ATP10D: variants seen among roughly 807,000 people sequenced by gnomAD.
ATP10D encodes ATPase phospholipid transporting 10D (putative), also known as phospholipid-transporting ATPase VD.
In ATP10D, 89 loss-of-function variants were observed where a neutral mutation model predicts 144.8. The ratio of observed to expected loss-of-function variants is 0.61; its 90% CI spans 0.52 to 0.73. The LOEUF is 0.73. ATP10D is among the 30% of genes least tolerant of loss of function. ATP10D has a pLI of 0.00. For missense variants in ATP10D, 1,603 were observed against 1,714.8 expected, an observed-to-expected ratio of 0.93 and a Z score of 1.15; for synonymous variants, 571 against 615.1, an observed-to-expected ratio of 0.93 and a Z score of 1.06.
At chr4:47,580,627 A>G (rs1577706939) in intron 20 of ATP10D, 149 bp downstream of exon 20, 1 of 718,062 alleles carries the variant, frequency 1.4e-6, no homozygotes, top group Admixed American at 2.3e-5. Context: ...CCCCAAAAAT[A>G]TATGTTAGGT....
At chr4:47,589,940 G>C (rs1720953441) in intron 22 of ATP10D, among the ~76,000 whole-genome samples, 1 of 152,050 alleles carries the variant, frequency 6.6e-6, no homozygotes, top group South Asian at 2.1e-4. Context: ...GTTACTGTTG[G>C]TGAGGTTTCA....
intron 9 of ATP10D, among the ~76,000 whole-genome samples, chr4:47,539,047 G>A (rs1010592218): frequency 1.3e-5 from 2 of 152,226 alleles, no homozygotes; most frequent in Middle Eastern, 3.4e-3. Context: ...CATCTACCAC[G>A]GGGGACAGGA....
chr4:47,502,432 T>A (rs1228820722), intron 1 of ATP10D, among the ~76,000 whole-genome samples: 1 of 151,198 alleles, frequency 6.6e-6, no homozygotes, highest in Non-Finnish European at 1.5e-5. Context: ...ATAGCGCCAC[T>A]GCACTCCAGC....
Position 47,591,380 on chromosome 4 carries a change from A to T in ATP10D, c.4280A>T (p.Ter1427LeuextTer45). 1.3e-6 allele frequency: 2 copies of T among 1,584,580 alleles called. No homozygotes were observed. Among genetic ancestry groups the T allele is most frequent in the East Asian group, 4.5e-5 (2 of 44,548 alleles). ...GGACCCTCCAAAGGTAAAGAAAGCTAGATACCCTCCTTGGAGTTGCAAGTA... is the reference window on the plus strand; with the variant it reads ...GGACCCTCCAAAGGTAAAGAAAGCTTGATACCCTCCTTGGAGTTGCAAGTA... ...MAGPSKGKES[*>L] Residue 1427 changes from the stop codon to leucine, a stop_lost, in exon 23 of 23, where the codon TAG (stop) becomes TTG (leucine). Coordinates refer to ENST00000273859, the MANE Select transcript of ATP10D (RefSeq NM_020453.4).
At chr4:47,535,873 T>G (rs1333111712) in intron 6 of ATP10D, 29 bp from the exon 7 acceptor site, 1 of 1,591,304 alleles carries the variant, frequency 6.3e-7, no homozygotes, top group African/African-American at 1.4e-5. Context: ...AATTTGTACA[T>G]TTTCTATCAT....
At chr4:47,528,083 A>G (rs1370941148) in intron 5 of ATP10D, among the ~76,000 whole-genome samples, 3 of 152,150 alleles carry the variant, frequency 2.0e-5, no homozygotes, top group African/African-American at 7.2e-5. Flanking sequence ...GTAGAATATA[A>G]TAGTAGCATC....
At chr4:47,538,592 C>T (rs1439687156) in intron 9 of ATP10D, among the ~76,000 whole-genome samples, 1 of 152,144 alleles carries the variant, frequency 6.6e-6, no homozygotes, top group African/African-American at 2.4e-5. Flanking sequence ...GGATAAGTGC[C>T]TCCTCTGCTC....
rs757625655 is a variant in ATP10D at position 47,568,970 on chromosome 4, G to T, written c.2987G>T (p.Gly996Val). The change falls in exon 16 of 23, where the codon GGA becomes GTA. Residue 996 changes from glycine to valine, a missense_variant. Coordinates refer to ENST00000273859, the MANE Select transcript of ATP10D (RefSeq NM_020453.4). The part of the protein sequence containing the change: ...PVPRDSGLRA[G>V]LIITGKTLEF... ...CCCCGGGACTCAGGGTTACGAGCTG[G>T]ACTCATTATCACTGGGAAGACCCTG... The T allele has an allele frequency of 6.2e-6, 10 of 1,614,030 alleles. No homozygotes were observed. Among genetic ancestry groups the T allele is most frequent in the Non-Finnish European group, 8.5e-6 (10 of 1,180,042 alleles).
In ATP10D at chr4:47,537,082, T is replaced by A; in HGVS notation, c.1396+144T>A. 3 of 960,160 alleles carry A rather than the reference T, an allele frequency of 3.1e-6. No individual in the cohort carries two copies. The South Asian group carries it at 5.7e-5, about 18-fold the overall frequency. 59.5% of individuals were successfully genotyped at this position (960,160 alleles called of 1,614,324 possible). ...AATGCTTCCAGATGGCCTTTAAACTTCATTGTTGTTCCTTCAAAAGCTAGT... is the reference window on the plus strand; with the variant it reads ...AATGCTTCCAGATGGCCTTTAAACTACATTGTTGTTCCTTCAAAAGCTAGT... On this transcript the variant is annotated intron_variant, in intron 9 of 22. Transcript: ENST00000273859.
chr4:47,591,084 A>G lies in ATP10D; in HGVS notation c.3984A>G (p.Pro1328=), dbSNP rs1347770764. 1 of 1,612,526 alleles carries G rather than the reference A, an allele frequency of 6.2e-7. No individual in the cohort carries two copies. Among genetic ancestry groups the G allele is most frequent in the Non-Finnish European group, 8.5e-7 (1 of 1,179,206 alleles). The change falls in exon 23 of 23, where the codon CCA becomes CCG. Residue 1328 remains proline, a synonymous_variant. Transcript: ENST00000273859. ...TTCAGGGATCCCTGTTTCCATCTCC[A>G]ATTCTGAGAGCTAAGCACTTTGACA... ...RVLQGSLFPS[P]ILRAKHFDRL...
Position 47,517,191 on chromosome 4 carries a change from A to G in ATP10D, c.485+1521A>G, listed in dbSNP as rs181496712. On this transcript the variant is annotated intron_variant, in intron 3 of 22. Coordinates refer to ENST00000273859, the MANE Select transcript of ATP10D (RefSeq NM_020453.4). Reference sequence around the variant, plus strand: ...CACTTTGGGAGGCTGAGGTGGCTGGATTGCATGAGTTCAGGAGTTTGAGAC... The same window carrying G: ...CACTTTGGGAGGCTGAGGTGGCTGGGTTGCATGAGTTCAGGAGTTTGAGAC... Among the ~76,000 whole-genome samples, 490 of 152,272 alleles carry G rather than the reference A, an allele frequency of 3.2e-3. 2 individuals carry two copies. Among genetic ancestry groups the G allele is most frequent in the Admixed American group, 6.1e-3 (93 of 15,284 alleles).
intron 1 of ATP10D, among the ~76,000 whole-genome samples, chr4:47,492,171 TAATA>T (rs1021356551): frequency 3.3e-5 from 5 of 152,324 alleles, no homozygotes; most frequent in Admixed American, 2.0e-4. Context: ...GTGCATTGTT[TAATA>T]AATCTCTTTA....
chr4:47,561,725 T>C (rs1336068164), intron 14 of ATP10D, among the ~76,000 whole-genome samples: 3 of 152,212 alleles, frequency 2.0e-5, no homozygotes, highest in Non-Finnish European at 2.9e-5. Flanking sequence ...TAAAAAATAT[T>C]GATGCCTGCA....
chr4:47,546,534 G>A, intron 9 of ATP10D, 90 bp from the exon 10 acceptor site: 1 of 1,194,820 alleles, frequency 8.4e-7, no homozygotes, highest in Non-Finnish European at 1.2e-6. Flanking sequence ...AGGAGATGGT[G>A]TGAAATAGCT....
At chr4:47,558,372 G>T in intron 12 of ATP10D, 99 bp downstream of exon 12, 1 of 1,454,770 alleles carries the variant, frequency 6.9e-7, no homozygotes, top group Non-Finnish European at 9.2e-7. Flanking sequence ...CAGCTATCTG[G>T]GGACTAATCA....
At chr4:47,495,013 T>C (rs148366061) in intron 1 of ATP10D, among the ~76,000 whole-genome samples, 1 of 152,288 alleles carries the variant, frequency 6.6e-6, no homozygotes, top group East Asian at 1.9e-4. Context: ...TATCTTTTGG[T>C]AAAAACAAGA....
At chr4:47,588,505 CA>C (rs1463069460) in intron 22 of ATP10D, among the ~76,000 whole-genome samples, 15 of 152,304 alleles carry the variant, frequency 9.8e-5, no homozygotes, top group Middle Eastern at 3.4e-3. Context: ...AATACAACAG[CA>C]GAACTGAATA....
chr4:47,549,356 T>C (rs895205870), intron 10 of ATP10D, among the ~76,000 whole-genome samples: 9 of 152,220 alleles, frequency 5.9e-5, no homozygotes, highest in African/African-American at 2.2e-4. Flanking sequence ...TCTCTCTCTG[T>C]CTCAATATAA....
chr4:47,552,787 A>G (rs1022807254), intron 10 of ATP10D, among the ~76,000 whole-genome samples: 1 of 152,200 alleles, frequency 6.6e-6, no homozygotes, highest in Non-Finnish European at 1.5e-5. Context: ...CAATGAAATC[A>G]CTATTAGCTT....
Sources: allele counts gnomAD v4.1 joint callset (sites outside exome capture counted in the v4.1 genomes callset), GRCh38; gene constraint gnomAD v4.1.1; transcripts MANE v1.5; gene names NCBI Gene and HGNC (gene_info 2026-07-23, HGNC 2026-07-21).